The following ADAMTS20 variants were observed in gnomAD, a reference collection of about 807,000 sequenced individuals.
ADAMTS20 encodes A disintegrin and metalloproteinase with thrombospondin motifs 20.
In ADAMTS20, 225 loss-of-function variants were observed where a neutral mutation model predicts 260.1. The observed-to-expected ratio is 0.87, with a 90% CI of 0.78 to 0.97. The LOEUF (loss-of-function observed/expected upper bound fraction) is 0.97. ADAMTS20 is among the 50% of genes least tolerant of loss of function. The probability of loss-of-function intolerance (pLI) is 0.00; values close to 1 mark genes in which losing one functional copy is unlikely to be tolerated. For synonymous variants in ADAMTS20, 802 were observed against 769.5 expected, an observed-to-expected ratio of 1.04 and a Z score of -0.70; for missense variants, 2,400 against 2,337.7, an observed-to-expected ratio of 1.03 and a Z score of -0.55.
chr12:43,441,424 T>C (rs1316369311), intron 16 of ADAMTS20, among the ~76,000 whole-genome samples: 3 of 151,822 alleles, frequency 2.0e-5, no homozygotes, highest in Admixed American at 1.3e-4. Flanking sequence ...TCATGCGTAG[T>C]AAAAAGAAAT....
intron 3 of ADAMTS20, among the ~76,000 whole-genome samples, chr12:43,526,689 T>C (rs1943148549): frequency 6.6e-6 from 1 of 152,152 alleles, no homozygotes; most frequent in Non-Finnish European, 1.5e-5. Context: ...GCAAAAGTAG[T>C]GCTAAGAGGA....
At chr12:43,453,813 G>T in intron 12 of ADAMTS20, 94 bp downstream of exon 12, 1 of 1,408,600 alleles carries the variant, frequency 7.1e-7, no homozygotes, top group Non-Finnish European at 9.6e-7. Context: ...GAAACTTACG[G>T]ACTGACCTCC....
intron 27 of ADAMTS20, 80 bp downstream of exon 27, chr12:43,427,228 T>C: frequency 4.1e-6 from 6 of 1,456,090 alleles, no homozygotes; most frequent in Non-Finnish European, 5.6e-6. Context: ...AATCAGATTA[T>C]TGAACAGTAT....
chr12:43,389,191 C>A (rs1313500103), intron 29 of ADAMTS20, among the ~76,000 whole-genome samples: 1 of 152,146 alleles, frequency 6.6e-6, no homozygotes. Context: ...AGACTCTCAT[C>A]TCAGTATCAT....
At chr12:43,475,662 C>G (rs1942340096) in intron 7 of ADAMTS20, among the ~76,000 whole-genome samples, 1 of 150,868 alleles carries the variant, frequency 6.6e-6, no homozygotes, top group Admixed American at 6.6e-5. Flanking sequence ...ATCAATGGAA[C>G]AGAACAGAGC....
chr12:43,458,333 C>T (rs1210715301), intron 11 of ADAMTS20, among the ~76,000 whole-genome samples: 4 of 152,342 alleles, frequency 2.6e-5, no homozygotes, highest in Non-Finnish European at 4.4e-5. Flanking sequence ...GCAGGTTTGT[C>T]CTGAGACGTT....
At chr12:43,392,961 G>C (rs2137241961) in intron 29 of ADAMTS20, among the ~76,000 whole-genome samples, 1 of 152,080 alleles carries the variant, frequency 6.6e-6, no homozygotes, top group East Asian at 1.9e-4. Flanking sequence ...TCCAGCTTTG[G>C]TCACAGTTCT....
At chr12:43,409,379 G>A (rs899476992) in intron 28 of ADAMTS20, among the ~76,000 whole-genome samples, 2 of 151,668 alleles carry the variant, frequency 1.3e-5, no homozygotes, top group African/African-American at 4.8e-5. Flanking sequence ...GAGACGGGCG[G>A]ATCACGAGGT....
At chr12:43,461,131 C>T (rs1405529177) in intron 11 of ADAMTS20, among the ~76,000 whole-genome samples, 1 of 150,200 alleles carries the variant, frequency 6.7e-6, no homozygotes, top group African/African-American at 2.5e-5. Flanking sequence ...GCTGGGATTA[C>T]AGGCGCCTGT....
At chr12:43,499,277 G>A (rs1357105852) in intron 4 of ADAMTS20, among the ~76,000 whole-genome samples, 2 of 152,072 alleles carry the variant, frequency 1.3e-5, no homozygotes, top group Non-Finnish European at 2.9e-5. Flanking sequence ...ACAGAAACCT[G>A]CTCTCTTTCT....
Position 43,460,988 on chromosome 12 carries a change from A to ATATATATATATATTTTTTTTTTTT in ADAMTS20, c.1614+1906_1614+1907insAAAAAAAAAAAATATATATATATA. Among the ~76,000 whole-genome samples, 13 of 26,394 alleles carry ATATATATATATATTTTTTTTTTTT rather than the reference A, an allele frequency of 4.9e-4. 1 individual carries two copies. The highest frequency in any genetic ancestry group is 5.3e-4 in the Non-Finnish European group (8 of 14,968). The allele number at this position is 26,394 out of a possible 152,430, so 17.3% of individuals were successfully genotyped here. Reference sequence around the variant, plus strand: ...ATTATATATATATATATATATATATATTTTTTTTTTTTTTTTTTTTTTTGA... The same window carrying ATATATATATATATTTTTTTTTTTT: ...ATTATATATATATATATATATATATATATATATATATATTTTTTTTTTTTTTTTTTTTTTTTTTTTTTTTTTTGA... On this transcript the variant is annotated intron_variant, in intron 11 of 38. Transcript: ENST00000389420.
At chr12:43,495,974 C>T (rs1292216694) in intron 4 of ADAMTS20, among the ~76,000 whole-genome samples, 3 of 152,096 alleles carry the variant, frequency 2.0e-5, no homozygotes, top group Admixed American at 6.6e-5. Context: ...TATTGAACAA[C>T]TCTATTCAAT....
At chr12:43,430,295 A>G (rs1295458382) in intron 23 of ADAMTS20, 57 bp downstream of exon 23, 3 of 1,540,124 alleles carry the variant, frequency 1.9e-6, no homozygotes, top group Middle Eastern at 1.7e-4. Flanking sequence ...ATTTTAACAC[A>G]TCAATAATCT....
chr12:43,522,947 G>C (rs1943091882), intron 3 of ADAMTS20, among the ~76,000 whole-genome samples: 1 of 152,116 alleles, frequency 6.6e-6, no homozygotes, highest in South Asian at 2.1e-4. Flanking sequence ...TAATATTTTA[G>C]GGTCATAATG....
intron 14 of ADAMTS20, among the ~76,000 whole-genome samples, chr12:43,448,578 C>T (rs1941804865): frequency 6.6e-6 from 1 of 152,066 alleles, no homozygotes; most frequent in African/African-American, 2.4e-5. Flanking sequence ...GACACAAGAA[C>T]TGGCAAAGAT....
chr12:43,364,032 A>G (rs1311356262), intron 37 of ADAMTS20, among the ~76,000 whole-genome samples: 2 of 152,210 alleles, frequency 1.3e-5, no homozygotes, highest in Admixed American at 1.3e-4. Flanking sequence ...TCAGGGAAAG[A>G]GAACTGAAGA....
At chr12:43,496,006 C>A (rs1193745176) in intron 4 of ADAMTS20, among the ~76,000 whole-genome samples, 3 of 152,062 alleles carry the variant, frequency 2.0e-5, no homozygotes, top group Non-Finnish European at 2.9e-5. Context: ...GTGATTCAAG[C>A]AATGAATAGC....
At chr12:43,384,988 G>A (rs1046266088) in intron 29 of ADAMTS20, among the ~76,000 whole-genome samples, 1 of 152,070 alleles carries the variant, frequency 6.6e-6, no homozygotes, top group African/African-American at 2.4e-5. Context: ...GGGATTGCTG[G>A]GTCAAATGCT....
At chr12:43,485,847 C>T (rs1255355809) in intron 7 of ADAMTS20, among the ~76,000 whole-genome samples, 1 of 151,930 alleles carries the variant, frequency 6.6e-6, no homozygotes, top group South Asian at 2.1e-4. Context: ...AATAAAATAC[C>T]TAGGAATACA....
Sources: allele counts gnomAD v4.1 joint callset (sites outside exome capture counted in the v4.1 genomes callset), GRCh38; gene constraint gnomAD v4.1.1; transcripts MANE v1.5; gene names NCBI Gene and HGNC (gene_info 2026-07-23, HGNC 2026-07-21).